FERMT1: variants seen among roughly 807,000 people sequenced by gnomAD.
The protein encoded by FERMT1 is fermitin family homolog 1.
In FERMT1, 60 loss-of-function variants were observed where a neutral mutation model predicts 85.3. That is an observed-to-expected ratio of 0.70 (90% CI 0.57 to 0.87). The LOEUF (loss-of-function observed/expected upper bound fraction) is 0.87, where lower values mean the gene tolerates loss of function less well. FERMT1 is among the 40% of genes least tolerant of loss of function. FERMT1 has a pLI of 0.00. For synonymous variants in FERMT1, 275 were observed against 301.1 expected (o/e 0.91, Z 0.90); for missense variants, 701 against 818.9 (o/e 0.86, Z 1.76).
chr20:6,091,912 A>G (rs144699214), intron 9 of FERMT1, among the ~76,000 whole-genome samples: 396 of 150,656 alleles, frequency 2.6e-3, no homozygotes, highest in Middle Eastern at 0.014. Flanking sequence ...AACGAGCGAG[A>G]CAGGCTCTCC....
intron 4 of FERMT1, among the ~76,000 whole-genome samples, chr20:6,111,290 C>G (rs1015548200): frequency 3.3e-5 from 5 of 152,190 alleles, no homozygotes; most frequent in African/African-American, 9.7e-5. Flanking sequence ...TCAGCTGGCT[C>G]TAATTTGTAC....
At position 6,075,679 on chromosome 20, in the gene FERMT1, T is replaced by C. The variant is rs1224642789; in HGVS notation, c.*1494A>G. 2.0e-5 allele frequency: 3 copies of C among 152,272 alleles called. No homozygotes were observed. Among genetic ancestry groups the C allele is most frequent in the East Asian group, 3.8e-4 (2 of 5,316 alleles). The allele number at this position is 152,272 out of a possible 1,614,324, so 9.4% of individuals were successfully genotyped here. A position where few individuals can be genotyped will look rare whatever the true frequency, so the allele number is the denominator to read the frequency against. ...GGTCTCACTTCTCAGAGGGCTTTGA[T>C]GGAAAATAAAGCAACAGCTGACGCT... On this transcript the variant is annotated 3_prime_UTR_variant, in exon 15 of 15. Transcript: ENST00000217289.
chr20:6,116,651 C>T (rs1237843282), intron 2 of FERMT1, among the ~76,000 whole-genome samples: 2 of 151,030 alleles, frequency 1.3e-5, no homozygotes, highest in East Asian at 3.9e-4. Context: ...ATCACTTGAA[C>T]CCGGGAAGTG....
At chr20:6,119,720 T>A in intron 1 of FERMT1, 148 bp from the exon 2 acceptor site, 1 of 644,418 alleles carries the variant, frequency 1.6e-6, no homozygotes, top group South Asian at 2.0e-5. Context: ...GTGCTCCAGA[T>A]ATCAAATTTG....
intron 13 of FERMT1, among the ~76,000 whole-genome samples, chr20:6,083,826 C>T (rs764636408): frequency 8.6e-5 from 13 of 151,986 alleles, no homozygotes; most frequent in Non-Finnish European, 1.9e-4. Flanking sequence ...TTTCCTTTCC[C>T]ACATTTAGCT....
Position 6,078,654 on chromosome 20 carries a change from T to TG in FERMT1, c.1860+781_1860+782insC, listed in dbSNP as rs1568651761. ...CAGCGTTTTTTTTTTTTGTTTTTTT[T>TG]TTTTTTAATTTTCTGTGGAGACAGG... On this transcript the variant is annotated intron_variant, in intron 14 of 14. Coordinates refer to ENST00000217289, the MANE Select transcript of FERMT1 (RefSeq NM_017671.5). 1.5e-3 allele frequency among the ~76,000 whole-genome samples: 228 copies of TG among 150,978 alleles called. 2 individuals are homozygous for TG. Among genetic ancestry groups the TG allele is most frequent in the Middle Eastern group, 6.8e-3 (2 of 292 alleles).
rs1004775926 is a variant in FERMT1 at position 6,075,053 on chromosome 20, T to TG, written c.*2119_*2120insC. 11 of 151,524 alleles carry TG rather than the reference T, an allele frequency of 7.3e-5. 1 individual carries two copies. The highest frequency in any genetic ancestry group is 3.9e-4 in the Admixed American group (6 of 15,214). 9.4% of individuals were successfully genotyped at this position (151,524 alleles called of 1,614,324 possible). On this transcript the variant is annotated 3_prime_UTR_variant, in exon 15 of 15. Coordinates refer to ENST00000217289, the MANE Select transcript of FERMT1 (RefSeq NM_017671.5). ...GGAACAGTAGCATTTAGGTTTGTTT[T>TG]TTTTTTTTTTTGTCACACTTGTTTA...
intron 6 of FERMT1, among the ~76,000 whole-genome samples, chr20:6,102,820 G>A (rs73894404): frequency 0.015 from 2,259 of 151,260 alleles, 51 homozygotes; most frequent in African/African-American, 0.051. Context: ...CTCCACCCTC[G>A]TCCATCATTC....
At chr20:6,113,218 G>A (rs1183538688) in intron 3 of FERMT1, among the ~76,000 whole-genome samples, 1 of 152,264 alleles carries the variant, frequency 6.6e-6, no homozygotes, top group South Asian at 2.1e-4. Flanking sequence ...CATGTAAGAC[G>A]TGACTTGCTC....
chr20:6,090,099 G>A (rs1028033821), intron 9 of FERMT1, among the ~76,000 whole-genome samples: 3 of 151,762 alleles, frequency 2.0e-5, no homozygotes, highest in African/African-American at 7.3e-5. Context: ...TTTTGGAGAC[G>A]GAGTCTCGCT....
At position 6,115,921 on chromosome 20, in the gene FERMT1, G is replaced by A; in HGVS notation, c.275C>T (p.Pro92Leu). 2 of 1,614,174 alleles carry A rather than the reference G, an allele frequency of 1.2e-6. No individual in the cohort carries two copies. The highest frequency in any genetic ancestry group is 1.7e-6 in the Non-Finnish European group (2 of 1,180,020). ...ACGAAGGCGCAGCATTTTATGCTGA[G>A]GGGTGAAGAGAAGCTTTGCATCTGC... ...VQADAKLLFT[P>L]QHKMLRLRLP... The change falls in exon 3 of 15, where the codon CCT becomes CTT. Residue 92 changes from proline (P) to leucine (L), a missense_variant. Coordinates refer to ENST00000217289, the MANE Select transcript of FERMT1 (RefSeq NM_017671.5).
chr20:6,085,338 T>G, intron 11 of FERMT1, 51 bp from the exon 12 acceptor site: 1 of 1,517,398 alleles, frequency 6.6e-7, no homozygotes, highest in African/African-American at 1.4e-5. Flanking sequence ...AGCCCCCTGC[T>G]GCACACAGAG....
Position 6,078,650 on chromosome 20 carries a change from T to TG in FERMT1, c.1860+785_1860+786insC, listed in dbSNP as rs1312138576. On this transcript the variant is annotated intron_variant, in intron 14 of 14. Coordinates refer to ENST00000217289, the MANE Select transcript of FERMT1 (RefSeq NM_017671.5). The stretch of plus-strand genomic sequence containing the variant: ...AGTTCAGCGTTTTTTTTTTTTGTTT[T>TG]TTTTTTTTTTAATTTTCTGTGGAGA... Among the ~76,000 whole-genome samples the TG allele has an allele frequency of 2.0e-3, 283 of 141,202 alleles. 1 individual carries two copies. The highest frequency in any genetic ancestry group is 6.6e-3 in the African/African-American group (262 of 39,836). The allele number at this position is 141,202 out of a possible 152,430, so 92.6% of individuals were successfully genotyped here.
chr20:6,087,864 A>G lies in FERMT1; in HGVS notation c.1284T>C (p.Asp428=), dbSNP rs779147426. ...LNLRGCEVVP[D]VNVAGRKFGI... is the part of the protein sequence containing the mutation. The stretch of plus-strand genomic sequence containing the variant: ...CAAATTTTCTTCCTGCTACATTTAC[A>G]TCGGGCACAACTTCGCAGCCTGAAG... Residue 428 remains aspartate, a synonymous_variant, in exon 11 of 15, where the codon GAT becomes GAC. Coordinates refer to ENST00000217289, the MANE Select transcript of FERMT1 (RefSeq NM_017671.5). 11 of 1,608,708 alleles carry G rather than the reference A, an allele frequency of 6.8e-6. No individual in the cohort carries two copies. Among genetic ancestry groups the G allele is most frequent in the African/African-American group, 5.3e-5 (4 of 74,822 alleles).
At chr20:6,090,137 C>T (rs536822413) in intron 9 of FERMT1, among the ~76,000 whole-genome samples, 25 of 152,074 alleles carry the variant, frequency 1.6e-4, no homozygotes, top group South Asian at 6.2e-4. Flanking sequence ...TGCTGTGGCA[C>T]GATCTCGGCT....
In FERMT1 at chr20:6,115,213, C is replaced by G. The variant is rs1221275822; in HGVS notation, c.385+598G>C. ...ATGAGAATACCTTCATGGGGTGTTTCCTTCCCTTTATGGAGTTTTATAAAG... is the reference window on the plus strand; with the variant it reads ...ATGAGAATACCTTCATGGGGTGTTTGCTTCCCTTTATGGAGTTTTATAAAG... On this transcript the variant is annotated intron_variant, in intron 3 of 14. Coordinates refer to ENST00000217289, the MANE Select transcript of FERMT1 (RefSeq NM_017671.5). 5.3e-5 allele frequency among the ~76,000 whole-genome samples: 8 copies of G among 152,166 alleles called. No individual in the cohort carries two copies. The East Asian group carries it at 1.3e-3, about 26-fold the overall frequency.
At chr20:6,079,137 C>A (rs1290639412) in intron 14 of FERMT1, among the ~76,000 whole-genome samples, 1 of 152,132 alleles carries the variant, frequency 6.6e-6, no homozygotes, top group African/African-American at 2.4e-5. Context: ...CCTGTATAAT[C>A]CTATGCTGAG....
rs763811237 is a variant in FERMT1 at position 6,084,097 on chromosome 20, C to A, written c.1661G>T (p.Arg554Leu). 1.9e-5 allele frequency: 30 copies of A among 1,613,996 alleles called. 1 individual carries two copies. The South Asian group carries it at 2.6e-4, about 14-fold the overall frequency. Residue 554 changes from arginine to leucine, a missense_variant, in exon 13 of 15, where the codon CGG becomes CTG. Physicochemically the swap from Arg to Leu is moderately radical, Grantham distance 102. Coordinates refer to ENST00000217289, the MANE Select transcript of FERMT1 (RefSeq NM_017671.5). ...AQMPLVEAKL[R>L]FIQAWQSLPE... ...CAGTGACTGCCACGCCTGGATGAACCGCAGCTTGGCTTCGACCAGGGGCAT... is the reference window on the plus strand; with the variant it reads ...CAGTGACTGCCACGCCTGGATGAACAGCAGCTTGGCTTCGACCAGGGGCAT...
At chr20:6,093,324 C>T (rs11697864) in intron 9 of FERMT1, among the ~76,000 whole-genome samples, 11,245 of 152,092 alleles carry the variant, frequency 0.074, 524 homozygotes, top group Non-Finnish European at 0.11. Context: ...ATCTTGAGAC[C>T]TTAGATAGTA....
Sources: allele counts gnomAD v4.1 joint callset (sites outside exome capture counted in the v4.1 genomes callset), GRCh38; gene constraint gnomAD v4.1.1; transcripts MANE v1.5; gene names NCBI Gene and HGNC (gene_info 2026-07-23, HGNC 2026-07-21).